Variants in CAP2 observed in about 807,000 individuals in gnomAD.
CAP2 encodes cyclase associated actin cytoskeleton regulatory protein 2.
In CAP2, 24 loss-of-function variants were observed where a neutral mutation model predicts 57.7. The observed-to-expected ratio is 0.42, with a 90% CI of 0.30 to 0.58. The LOEUF is 0.58. Ranked by LOEUF, CAP2 falls within the 20% of genes least tolerant of loss-of-function variation. The probability of loss-of-function intolerance (pLI) is 0.22; values close to 1 mark genes in which losing one functional copy is unlikely to be tolerated. For missense variants in CAP2, 501 were observed against 590.3 expected (o/e 0.85, Z 1.57); for synonymous variants, 194 against 207.2 (o/e 0.94, Z 0.55).
chr6:17,535,223 C>T (rs6939935), intron 7 of CAP2, among the ~76,000 whole-genome samples: 52,633 of 151,406 alleles, frequency 0.35, 10,255 homozygotes, highest in African/African-American at 0.54. Context: ...CCACAGGCTG[C>T]GCTACATATG....
intron 4 of CAP2, among the ~76,000 whole-genome samples, chr6:17,498,980 C>T (rs574584001): frequency 5.1e-4 from 77 of 151,940 alleles, no homozygotes; most frequent in Non-Finnish European, 9.0e-4. Flanking sequence ...CCGCCCTCCT[C>T]GGCCTCCCAA....
chr6:17,462,433 A>G (rs1052371677), intron 3 of CAP2, among the ~76,000 whole-genome samples: 1 of 152,094 alleles, frequency 6.6e-6, no homozygotes, highest in African/African-American at 2.4e-5. Flanking sequence ...CATAATATTC[A>G]TCTTTTTGAA....
At chr6:17,466,326 G>T (rs1347666328) in intron 4 of CAP2, among the ~76,000 whole-genome samples, 1 of 152,166 alleles carries the variant, frequency 6.6e-6, no homozygotes, top group Non-Finnish European at 1.5e-5. Context: ...AGGGTTGTCA[G>T]AACTCAGACT....
At chr6:17,546,503 G>A (rs908150111) in intron 11 of CAP2, among the ~76,000 whole-genome samples, 8 of 151,994 alleles carry the variant, frequency 5.3e-5, no homozygotes, top group South Asian at 2.1e-4. Context: ...TTGCCTGTTC[G>A]CTCTGATGGT....
intron 1 of CAP2, among the ~76,000 whole-genome samples, chr6:17,395,917 T>A (rs911734690): frequency 1.9e-4 from 29 of 152,146 alleles, no homozygotes; most frequent in African/African-American, 7.0e-4. Context: ...GATAAGGGTC[T>A]TGTATCCACA....
In CAP2 at chr6:17,406,765, C is replaced by T. The variant is rs568944675; in HGVS notation, c.-2+13019C>T. Among the ~76,000 whole-genome samples the T allele has an allele frequency of 5.9e-5, 9 of 152,244 alleles. No individual in the cohort carries two copies. In the South Asian group the frequency reaches 1.9e-3, roughly 32 times the overall value. On this transcript the variant is annotated intron_variant, in intron 1 of 12. Transcript: ENST00000229922. ...GTTCTGCCACACAGTTCTGTGACTA[C>T]GGCCACGCTTGGGAGAGAAAAATGC...
intron 4 of CAP2, among the ~76,000 whole-genome samples, chr6:17,482,643 C>T (rs1167401474): frequency 2.0e-5 from 3 of 151,522 alleles, no homozygotes; most frequent in Non-Finnish European, 4.4e-5. Context: ...TCTGGTGTTT[C>T]GTGGCTTGTA....
chr6:17,438,869 T>C lies in CAP2; in HGVS notation c.222+12179T>C, dbSNP rs980159464. ...GGCTCACGCCTATAATCCCAGCACTTTGGGAGGCCAAGGTGGGCAGATGAC... is the reference window on the plus strand; with the variant it reads ...GGCTCACGCCTATAATCCCAGCACTCTGGGAGGCCAAGGTGGGCAGATGAC... On this transcript the variant is annotated intron_variant, in intron 3 of 12. Transcript: ENST00000229922. 3.3e-5 allele frequency among the ~76,000 whole-genome samples: 5 copies of C among 150,608 alleles called. No homozygotes were observed. In the South Asian group the frequency reaches 8.4e-4, roughly 25 times the overall value.
At chr6:17,418,466 G>T (rs1157283679) in intron 1 of CAP2, among the ~76,000 whole-genome samples, 1 of 152,140 alleles carries the variant, frequency 6.6e-6, no homozygotes, top group East Asian at 1.9e-4. Flanking sequence ...TTTGTGGGCT[G>T]ACTCCTGTTG....
At chr6:17,545,026 A>G (rs542901189) in intron 11 of CAP2, among the ~76,000 whole-genome samples, 3 of 152,322 alleles carry the variant, frequency 2.0e-5, no homozygotes, top group Non-Finnish European at 4.4e-5. Flanking sequence ...CTGAAGAGCT[A>G]TTTTGGATGG....
intron 3 of CAP2, among the ~76,000 whole-genome samples, chr6:17,443,219 T>A (rs1165143885): frequency 6.6e-6 from 1 of 151,994 alleles, no homozygotes; most frequent in Non-Finnish European, 1.5e-5. Context: ...GGTATTGCAC[T>A]CCAGCCTGGG....
At chr6:17,463,247 A>G (rs764719096) in intron 4 of CAP2, among the ~76,000 whole-genome samples, 174 bp downstream of exon 4, 6 of 151,702 alleles carry the variant, frequency 4.0e-5, no homozygotes, top group Non-Finnish European at 7.4e-5. Context: ...TCTCTCTCCT[A>G]ATCTCATTAA....
At chr6:17,422,007 C>T (rs181113273) in intron 2 of CAP2, among the ~76,000 whole-genome samples, 1 of 152,220 alleles carries the variant, frequency 6.6e-6, no homozygotes, top group African/African-American at 2.4e-5. Context: ...CTCGGCCTCC[C>T]GAAGTGCTGG....
intron 3 of CAP2, among the ~76,000 whole-genome samples, chr6:17,431,459 C>T (rs781295957): frequency 3.3e-5 from 5 of 152,062 alleles, no homozygotes; most frequent in Admixed American, 6.6e-5. Context: ...ATGTTCTGTC[C>T]TTGAGTTCTT....
At position 17,514,473 on chromosome 6, in the gene CAP2, C is replaced by T. The variant is rs555091804; in HGVS notation, c.636+519C>T. ...ATAGAAAAGAAAATGGCTGGCAGGG[C>T]GCAGTGGCTCTCACGCCTGTAATCC... On this transcript the variant is annotated intron_variant, in intron 7 of 12. Transcript: ENST00000229922. Among the ~76,000 whole-genome samples the T allele has an allele frequency of 7.9e-5, 12 of 151,470 alleles. No homozygotes were observed. The South Asian group carries it at 8.4e-4, about 11-fold the overall frequency.
At chr6:17,479,561 AGG>A (rs1482411615) in intron 4 of CAP2, among the ~76,000 whole-genome samples, 3 of 151,978 alleles carry the variant, frequency 2.0e-5, no homozygotes, top group Admixed American at 1.3e-4. Flanking sequence ...GAAAAAAGGA[AGG>A]GGTAGAAGAG....
intron 4 of CAP2, among the ~76,000 whole-genome samples, chr6:17,488,224 C>T (rs1430646076): frequency 6.6e-6 from 1 of 152,158 alleles, no homozygotes; most frequent in African/African-American, 2.4e-5. Context: ...TTACTCCATG[C>T]CATTCAGGAA....
chr6:17,505,713 A>G (rs910039), intron 4 of CAP2, among the ~76,000 whole-genome samples: 95,628 of 151,970 alleles, frequency 0.63, 30,299 homozygotes, highest in Admixed American at 0.66. Flanking sequence ...GTTTCTTTGG[A>G]GCACACACAA....
intron 9 of CAP2, among the ~76,000 whole-genome samples, chr6:17,541,523 C>T (rs1762900980): frequency 6.6e-6 from 1 of 151,458 alleles, no homozygotes; most frequent in Non-Finnish European, 1.5e-5. Flanking sequence ...GAGGTTGCAG[C>T]GAGCCGAGAT....
Sources: gnomAD v4.1 joint callset for allele counts (sites outside exome capture counted in the v4.1 genomes callset) on GRCh38, gnomAD v4.1.1 for gene constraint, MANE v1.5 for transcripts, NCBI Gene and HGNC (gene_info 2026-07-23, HGNC 2026-07-21) for gene names.